The following GRIK4 variants were observed in gnomAD, a reference collection of about 807,000 sequenced individuals.
The protein encoded by GRIK4 is glutamate receptor ionotropic, kainate 4.
In GRIK4, 40 loss-of-function variants were observed where a neutral mutation model predicts 104.9. The observed-to-expected ratio is 0.38, with a 90% CI of 0.30 to 0.50. GRIK4 has a LOEUF of 0.50. Ranked by LOEUF, GRIK4 falls within the 20% of genes least tolerant of loss-of-function variation. The pLI, the probability that GRIK4 is intolerant of heterozygous loss-of-function variation, is 0.93. For missense variants in GRIK4, 1,047 were observed against 1,308.1 expected (o/e 0.80, Z 3.08); for synonymous variants, 485 against 524.9 (o/e 0.92, Z 1.04).
intron 3 of GRIK4, among the ~76,000 whole-genome samples, chr11:120,747,079 C>G (rs911051575): frequency 6.6e-6 from 1 of 152,122 alleles, no homozygotes; most frequent in African/African-American, 2.4e-5. Flanking sequence ...GTATGGCATC[C>G]CTGAAATAAC....
chr11:120,686,432 C>G (rs1950277771), intron 3 of GRIK4, among the ~76,000 whole-genome samples: 1 of 152,164 alleles, frequency 6.6e-6, no homozygotes, highest in South Asian at 2.1e-4. Context: ...TATTTAAGCA[C>G]ACGGTATCTT....
In GRIK4 at chr11:120,952,601, G is replaced by C. The variant is rs1292019541; in HGVS notation, c.1591-254G>C. On this transcript the variant is annotated intron_variant, in intron 14 of 20. Transcript: ENST00000527524. This position sits in a 1 kb window ranked among gnomAD's most constrained non-coding sequence, Gnocchi z 5.2. ...GTTCCTCTTTGCCAGCACAAAGCCT[G>C]CCTCACCCCAGGGAGTGGCATGGCC... 1.3e-5 allele frequency among the ~76,000 whole-genome samples: 2 copies of C among 152,194 alleles called. No homozygotes were observed. Among genetic ancestry groups the C allele is most frequent in the African/African-American group, 4.8e-5 (2 of 41,444 alleles).
intron 13 of GRIK4, among the ~76,000 whole-genome samples, chr11:120,937,293 C>T (rs1163330363): frequency 6.6e-6 from 1 of 152,176 alleles, no homozygotes. Context: ...CCCAGCTCAG[C>T]CTCCCGAAGT....
At chr11:120,628,512 G>A (rs1459792720) in intron 1 of GRIK4, among the ~76,000 whole-genome samples, 3 of 152,184 alleles carry the variant, frequency 2.0e-5, no homozygotes, top group Admixed American at 1.3e-4. Context: ...ATCCCCTGAA[G>A]CCAGGAGCTG....
intron 1 of GRIK4, among the ~76,000 whole-genome samples, chr11:120,523,477 A>G (rs1352163680): frequency 6.6e-6 from 1 of 152,006 alleles, no homozygotes; most frequent in African/African-American, 2.4e-5. Flanking sequence ...GGAGGAGCCG[A>G]CTTTTGTCCT....
At chr11:120,682,136 A>G (rs1198276388) in intron 3 of GRIK4, among the ~76,000 whole-genome samples, 1 of 152,248 alleles carries the variant, frequency 6.6e-6, no homozygotes, top group Admixed American at 6.5e-5. Flanking sequence ...TGACAGGGGC[A>G]GTGATTTCCA....
intron 4 of GRIK4, among the ~76,000 whole-genome samples, chr11:120,805,004 A>G (rs912594464): frequency 6.6e-6 from 1 of 152,220 alleles, no homozygotes; most frequent in African/African-American, 2.4e-5. Context: ...ATAGTCCCTC[A>G]TTTATTCATT....
At chr11:120,619,770 C>T (rs868314637) in intron 1 of GRIK4, among the ~76,000 whole-genome samples, 1 of 152,152 alleles carries the variant, frequency 6.6e-6, no homozygotes, top group Non-Finnish European at 1.5e-5. Flanking sequence ...TGTAAGTTTC[C>T]TGAGGCCTCC....
chr11:120,620,022 AGTG>A, intron 1 of GRIK4: 8 of 548,846 alleles, frequency 1.5e-5, no homozygotes, highest in South Asian at 2.7e-5. Context: ...CTGTTAGCGT[AGTG>A]AACCTGTGTG....
intron 3 of GRIK4, among the ~76,000 whole-genome samples, chr11:120,666,207 C>A (rs1565282749): frequency 6.6e-6 from 1 of 152,226 alleles, no homozygotes; most frequent in Non-Finnish European, 1.5e-5. Flanking sequence ...CGGTGACCTG[C>A]AAGGCAGGTT....
Position 120,530,043 on chromosome 11 carries a change from A to C in GRIK4, c.-159+18156A>C, listed in dbSNP as rs1205421961. Among the ~76,000 whole-genome samples the C allele has an allele frequency of 2.0e-5, 3 of 152,144 alleles. No homozygotes were observed. In the East Asian group the frequency reaches 5.8e-4, roughly 29 times the overall value. On this transcript the variant is annotated intron_variant, in intron 1 of 20. Transcript: ENST00000527524. ...CCTGCTTAGGAGTAAGGGTGCCCCA[A>C]GTGTGAGTCCTATGAGGCCCCATGT... is the stretch of plus-strand genomic sequence containing the variant.
intron 13 of GRIK4, among the ~76,000 whole-genome samples, chr11:120,913,521 G>C (rs776968858): frequency 6.6e-6 from 1 of 151,474 alleles, no homozygotes; most frequent in Non-Finnish European, 1.5e-5. Flanking sequence ...AAGCACATTT[G>C]GGAAGAGACA....
chr11:120,802,544 C>T, intron 3 of GRIK4, 149 bp from the exon 4 acceptor site: 1 of 683,440 alleles, frequency 1.5e-6, no homozygotes, highest in Non-Finnish European at 2.6e-6. Flanking sequence ...AGAACTTGTT[C>T]TGGGGGACGG....
chr11:120,638,766 C>T (rs540745379), intron 1 of GRIK4, among the ~76,000 whole-genome samples: 79 of 152,170 alleles, frequency 5.2e-4, no homozygotes, highest in African/African-American at 1.7e-3. Flanking sequence ...CGTGAGCCAC[C>T]GCGCCTGGCC....
intron 1 of GRIK4, among the ~76,000 whole-genome samples, chr11:120,519,186 G>A (rs1947766242): frequency 6.6e-6 from 1 of 152,130 alleles, no homozygotes; most frequent in Admixed American, 6.5e-5. Flanking sequence ...TAGCTAATAA[G>A]TATTCAATGC....
At chr11:120,950,424 A>G (rs995921584) in intron 14 of GRIK4, among the ~76,000 whole-genome samples, 2 of 152,184 alleles carry the variant, frequency 1.3e-5, no homozygotes, top group African/African-American at 2.4e-5. Flanking sequence ...ATTTTCCTCA[A>G]TTTCACTTGT....
At chr11:120,764,696 AT>A (rs2135446530) in intron 3 of GRIK4, among the ~76,000 whole-genome samples, 1 of 151,438 alleles carries the variant, frequency 6.6e-6, no homozygotes, top group Admixed American at 6.6e-5. Context: ...AAAGGATTTT[AT>A]TTCTCTTTTA....
chr11:120,831,373 T>C (rs1953423992), intron 6 of GRIK4, among the ~76,000 whole-genome samples: 1 of 152,204 alleles, frequency 6.6e-6, no homozygotes, highest in South Asian at 2.1e-4. Flanking sequence ...ATCCTTGCCT[T>C]GGACCTGAGT....
At chr11:120,699,539 ATGTGTGTGTGTG>A (rs57345739) in intron 3 of GRIK4, among the ~76,000 whole-genome samples, 53,312 of 145,036 alleles carry the variant, frequency 0.37, 9,501 homozygotes, top group Admixed American at 0.39. Flanking sequence ...AGGTGTGTGT[ATGTGTGTGTGTG>A]TGTGTGTGTG....
Sources: allele counts gnomAD v4.1 joint callset (sites outside exome capture counted in the v4.1 genomes callset), GRCh38; gene constraint gnomAD v4.1.1; non-coding constraint Gnocchi (gnomAD v3.1); transcripts MANE v1.5; gene names NCBI Gene and HGNC (gene_info 2026-07-23, HGNC 2026-07-21).